The following MYT1L variants were observed in gnomAD, a reference collection of about 807,000 sequenced individuals.
MYT1L encodes the protein myelin transcription factor 1 like, also known as myelin transcription factor 1-like protein.
In MYT1L, 12 loss-of-function variants were observed where a neutral mutation model predicts 126.7. That is an observed-to-expected ratio of 0.09 (90% CI 0.06 to 0.15). MYT1L has a LOEUF of 0.15. Among genes scored for constraint, MYT1L ranks in the 10% least tolerant of loss-of-function variants. The pLI is 1.00. For synonymous variants in MYT1L, 541 were observed against 604.2 expected, an observed-to-expected ratio of 0.90 and a Z score of 1.53; for missense variants, 979 against 1,585.2, an observed-to-expected ratio of 0.62 and a Z score of 6.49.
chr2:2,162,370 T>A (rs1028688898), intron 3 of MYT1L, among the ~76,000 whole-genome samples: 1 of 151,726 alleles, frequency 6.6e-6, no homozygotes, highest in African/African-American at 2.4e-5. Flanking sequence ...CGGGTAGTAA[T>A]ACAGACAGTG....
chr2:2,198,630 G>A (rs891489447), intron 2 of MYT1L, among the ~76,000 whole-genome samples: 12 of 151,768 alleles, frequency 7.9e-5, no homozygotes, highest in African/African-American at 2.4e-4. Flanking sequence ...AGGCCTAGGC[G>A]AGTGGATCAT....
intron 3 of MYT1L, among the ~76,000 whole-genome samples, chr2:2,060,483 TTTAG>T (rs1381485531): frequency 6.6e-6 from 1 of 152,162 alleles, no homozygotes; most frequent in Non-Finnish European, 1.5e-5. Flanking sequence ...TTACTTTATG[TTTAG>T]TTATTTAGAC....
chr2:1,915,564 C>G (rs996757197), intron 11 of MYT1L, among the ~76,000 whole-genome samples: 2 of 152,228 alleles, frequency 1.3e-5, no homozygotes, highest in African/African-American at 4.8e-5. Flanking sequence ...TAAAGAAACT[C>G]TTTCTTCTTA....
At chr2:2,004,187 C>T (rs2062793289) in intron 4 of MYT1L, among the ~76,000 whole-genome samples, 1 of 150,004 alleles carries the variant, frequency 6.7e-6, no homozygotes, top group Non-Finnish European at 1.5e-5. Flanking sequence ...GCCTCCTTTC[C>T]TGCAGGCGTT....
chr2:2,137,789 C>A (rs1256910554), intron 3 of MYT1L, among the ~76,000 whole-genome samples: 1 of 151,996 alleles, frequency 6.6e-6, no homozygotes, highest in Non-Finnish European at 1.5e-5. Context: ...GCAAGGACTT[C>A]ATGTCTGAAA....
chr2:2,213,344 C>A (rs1189347059), intron 2 of MYT1L, among the ~76,000 whole-genome samples: 1 of 152,074 alleles, frequency 6.6e-6, no homozygotes, highest in Non-Finnish European at 1.5e-5. Flanking sequence ...TCCAGGGAGA[C>A]CAATATAGCT....
chr2:1,945,402 A>G (rs550604682), intron 8 of MYT1L, among the ~76,000 whole-genome samples: 125 of 152,278 alleles, frequency 8.2e-4, no homozygotes, highest in Non-Finnish European at 1.3e-3. Context: ...TGCCCAGATC[A>G]TGAGACAGAT....
intron 4 of MYT1L, among the ~76,000 whole-genome samples, chr2:2,029,239 A>G (rs571916856): frequency 6.6e-6 from 1 of 152,222 alleles, no homozygotes; most frequent in Non-Finnish European, 1.5e-5. Flanking sequence ...GTCCATACAC[A>G]TGTGTATGCC....
rs777356566 is a variant in MYT1L, at chr2:2,059,369, C to T, written c.-303-5246G>A. Among the ~76,000 whole-genome samples, 2 of 152,304 alleles carry T rather than the reference C, an allele frequency of 1.3e-5. No individual in the cohort carries two copies. Among genetic ancestry groups the T allele is most frequent in the South Asian group, 2.1e-4 (1 of 4,828 alleles). On this transcript the variant is annotated intron_variant, in intron 3 of 24. Transcript: ENST00000647738. The surrounding 1 kb of genome is among the most constrained non-coding windows in gnomAD (Gnocchi z 4.7). ...CATGCAGGGCACCGCAGTAAGCACC[C>T]GACGGTCTCGTGGCACCATAGTAAG...
intron 2 of MYT1L, 40 bp downstream of exon 2, chr2:2,284,364 T>A (rs995933209): frequency 1.3e-5 from 2 of 152,088 alleles, no homozygotes; most frequent in African/African-American, 4.8e-5. Flanking sequence ...CTCCTTTACA[T>A]TCCTAATACA....
rs544041442 is a variant in MYT1L, at chr2:2,041,330, C to T, written c.-158+12648G>A. Among the ~76,000 whole-genome samples, 8 of 152,208 alleles carry T rather than the reference C, an allele frequency of 5.3e-5. No homozygotes were observed. The South Asian group carries it at 1.7e-3, about 32-fold the overall frequency. On this transcript the variant is annotated intron_variant, in intron 4 of 24. Transcript: ENST00000647738. ...GAAGTGTTTTACTTGAAGGAAATTGCCTTCTTTCCCTTGAAAAAGTTCACC... is the reference window on the plus strand; with the variant it reads ...GAAGTGTTTTACTTGAAGGAAATTGTCTTCTTTCCCTTGAAAAAGTTCACC...
At chr2:2,200,094 G>A (rs1448503153) in intron 2 of MYT1L, among the ~76,000 whole-genome samples, 6 of 152,002 alleles carry the variant, frequency 3.9e-5, no homozygotes, top group South Asian at 4.1e-4. Flanking sequence ...GCTTCCCACC[G>A]TGGCACTATA....
chr2:1,962,938 C>T (rs574247605), intron 8 of MYT1L, among the ~76,000 whole-genome samples: 58 of 152,308 alleles, frequency 3.8e-4, no homozygotes, highest in Admixed American at 7.8e-4. Context: ...ATTCTGATCT[C>T]CTGCCATGAA....
chr2:2,132,967 G>A (rs1026546356), intron 3 of MYT1L, among the ~76,000 whole-genome samples: 1 of 152,036 alleles, frequency 6.6e-6, no homozygotes, highest in Non-Finnish European at 1.5e-5. Context: ...TTCTTTGCTG[G>A]AGTTGTCTCT....
At chr2:2,043,421 C>T (rs867008425) in intron 4 of MYT1L, among the ~76,000 whole-genome samples, 2 of 152,234 alleles carry the variant, frequency 1.3e-5, no homozygotes, top group African/African-American at 2.4e-5. Flanking sequence ...CTCAGAACCA[C>T]ACAAAGTCAT....
chr2:2,309,166 C>T (rs1455718458), intron 1 of MYT1L, among the ~76,000 whole-genome samples: 1 of 151,856 alleles, frequency 6.6e-6, no homozygotes, highest in African/African-American at 2.4e-5. Context: ...TCAGCATACT[C>T]TATCCATACT....
intron 4 of MYT1L, among the ~76,000 whole-genome samples, chr2:1,999,617 T>A (rs1386002257): frequency 2.0e-5 from 3 of 152,080 alleles, no homozygotes; most frequent in Non-Finnish European, 4.4e-5. Flanking sequence ...CAAAGGTCAA[T>A]AAATGGAAAA....
chr2:2,205,080 G>A (rs1241585645), intron 2 of MYT1L, among the ~76,000 whole-genome samples: 2 of 138,690 alleles, frequency 1.4e-5, no homozygotes, highest in South Asian at 2.4e-4. Flanking sequence ...CATGGACACA[G>A]GAAGGGGAAC....
At position 1,822,498 on chromosome 2, in the gene MYT1L, C is replaced by A. The variant is rs535596222; in HGVS notation, c.3081-13331G>T. 1.1e-4 allele frequency among the ~76,000 whole-genome samples: 16 copies of A among 152,302 alleles called. No homozygotes were observed. The South Asian group carries it at 3.3e-3, about 32-fold the overall frequency. On this transcript the variant is annotated intron_variant, in intron 21 of 24. Coordinates refer to ENST00000647738, the MANE Select transcript of MYT1L (RefSeq NM_001303052.2). ...TCAGCCCCTCTTCCCCAGGGATGCTCCTGCGTGCTCAGCAGGCACTTGGCT... is the reference window on the plus strand; with the variant it reads ...TCAGCCCCTCTTCCCCAGGGATGCTACTGCGTGCTCAGCAGGCACTTGGCT...
Sources: gnomAD v4.1 joint callset for allele counts (sites outside exome capture counted in the v4.1 genomes callset) on GRCh38, gnomAD v4.1.1 for gene constraint, Gnocchi (gnomAD v3.1) non-coding constraint, MANE v1.5 for transcripts, NCBI Gene and HGNC (gene_info 2026-07-23, HGNC 2026-07-21) for gene names.